SH3BGRL2: variants seen among roughly 807,000 people sequenced by gnomAD.
The protein encoded by SH3BGRL2 is SH3 domain binding glutamate rich protein like 2, also known as SH3 domain-binding glutamic acid-rich-like protein 2.
SH3BGRL2 carries 21 observed loss-of-function variants against 14.8 expected under a neutral mutation model. That is an observed-to-expected ratio of 1.42 (90% CI 1.01 to 2.05). The LOEUF (loss-of-function observed/expected upper bound fraction) is 2.05, where lower values mean the gene tolerates loss of function less well. Ranked by LOEUF, SH3BGRL2 falls within the 30% of genes most tolerant of loss-of-function variation. The probability of loss-of-function intolerance (pLI) is 0.00; values close to 1 mark genes in which losing one functional copy is unlikely to be tolerated. For synonymous variants in SH3BGRL2, 50 were observed against 47.8 expected (o/e 1.05, Z -0.19); for missense variants, 147 against 130.8 (o/e 1.12, Z -0.61).
the SH3BGRL2 span, among the ~76,000 whole-genome samples, chr6:79,578,966 T>C: frequency 0.2 from 30,164 of 152,144 alleles, 3,191 homozygotes; most frequent in Non-Finnish European, 0.22. Flanking sequence ...AATGACCTGA[T>C]GGAGCTGAAA....
At chr6:79,595,114 C>T in the SH3BGRL2 span, among the ~76,000 whole-genome samples, 2 of 152,096 alleles carry the variant, frequency 1.3e-5, no homozygotes, top group Non-Finnish European at 1.5e-5. Context: ...GGAGAAACCC[C>T]GTCTCTACTA....
intron 1 of SH3BGRL2, among the ~76,000 whole-genome samples, chr6:79,639,456 G>C (rs1357932266): frequency 6.6e-6 from 1 of 152,182 alleles, no homozygotes; most frequent in Non-Finnish European, 1.5e-5. Flanking sequence ...GGGCATGGTG[G>C]CATGTGCCTG....
the SH3BGRL2 span, among the ~76,000 whole-genome samples, chr6:79,615,837 T>TTC: frequency 4.0e-5 from 6 of 149,152 alleles, no homozygotes; most frequent in African/African-American, 1.5e-4. Flanking sequence ...TCTTTCTTTT[T>TTC]TTTTTTTTTT....
chr6:79,559,551 A>C, the SH3BGRL2 span, among the ~76,000 whole-genome samples: 1 of 152,256 alleles, frequency 6.6e-6, no homozygotes, highest in Non-Finnish European at 1.5e-5. Flanking sequence ...TAGAGACTAA[A>C]GAGACATGAC....
chr6:79,594,466 C>G, the SH3BGRL2 span, among the ~76,000 whole-genome samples: 1 of 152,124 alleles, frequency 6.6e-6, no homozygotes, highest in East Asian at 1.9e-4. Context: ...AGGATAGGTA[C>G]AAGTAAATTT....
rs1024282714 is a variant in SH3BGRL2, at chr6:79,691,315, TTTTG to T, written c.232-5158_232-5155del. Reference sequence around the variant, plus strand: ...GCAGAGGGTGAGATCAAATCTGTTTTTTTGTTTGTTTGTTTTGTTTTTGTTTTTT... The same window carrying T: ...GCAGAGGGTGAGATCAAATCTGTTTTTTTGTTTGTTTTGTTTTTGTTTTTT... On this transcript the variant is annotated intron_variant, in intron 2 of 3. Transcript: ENST00000369838. 5.9e-5 allele frequency among the ~76,000 whole-genome samples: 9 copies of T among 152,102 alleles called. No individual in the cohort carries two copies. In the East Asian group the frequency reaches 7.7e-4, roughly 13 times the overall value.
intron 1 of SH3BGRL2, among the ~76,000 whole-genome samples, chr6:79,659,722 C>T (rs1370098871): frequency 6.6e-6 from 1 of 151,950 alleles, no homozygotes; most frequent in African/African-American, 2.4e-5. Flanking sequence ...CCATAAATTA[C>T]CTTGGGCAGT....
At chr6:79,606,658 G>A in the SH3BGRL2 span, among the ~76,000 whole-genome samples, 5 of 152,298 alleles carry the variant, frequency 3.3e-5, no homozygotes, top group East Asian at 9.6e-4. Context: ...ACTTGATACA[G>A]TAATTTTTGT....
the SH3BGRL2 span, among the ~76,000 whole-genome samples, chr6:79,546,713 T>C: frequency 2.0e-5 from 3 of 151,882 alleles, no homozygotes; most frequent in Non-Finnish European, 2.9e-5. Flanking sequence ...TTTTTTTTTT[T>C]CTCGAGATGA....
chr6:79,685,509 C>T (rs906801121), intron 2 of SH3BGRL2, among the ~76,000 whole-genome samples: 4 of 151,974 alleles, frequency 2.6e-5, no homozygotes, highest in Admixed American at 6.6e-5. Flanking sequence ...TATCTATATT[C>T]CTTGATTTTA....
At chr6:79,588,752 T>TAA in the SH3BGRL2 span, among the ~76,000 whole-genome samples, 14,243 of 152,186 alleles carry the variant, frequency 0.094, 814 homozygotes, top group Non-Finnish European at 0.13. Flanking sequence ...GTATCATAAA[T>TAA]AAAGAAAAGA....
At chr6:79,694,137 T>C (rs1212616214) in intron 2 of SH3BGRL2, among the ~76,000 whole-genome samples, 1 of 152,152 alleles carries the variant, frequency 6.6e-6, no homozygotes, top group South Asian at 2.1e-4. Flanking sequence ...GGGCAAGAGA[T>C]TGTGATTTTA....
chr6:79,687,505 T>A (rs1770123687), intron 2 of SH3BGRL2, among the ~76,000 whole-genome samples: 1 of 152,190 alleles, frequency 6.6e-6, no homozygotes, highest in Admixed American at 6.5e-5. Flanking sequence ...GGCATAAAAA[T>A]TGCCAAAATG....
At chr6:79,597,329 G>GAA in the SH3BGRL2 span, among the ~76,000 whole-genome samples, 2 of 147,078 alleles carry the variant, frequency 1.4e-5, no homozygotes, top group South Asian at 2.2e-4. Flanking sequence ...GAAAAGAAAA[G>GAA]AAAAGAAAAA....
At chr6:79,577,949 C>T in the SH3BGRL2 span, among the ~76,000 whole-genome samples, 2 of 152,234 alleles carry the variant, frequency 1.3e-5, no homozygotes, top group South Asian at 2.1e-4. Flanking sequence ...TCTTAGCAAC[C>T]GGCAGACAAG....
intron 1 of SH3BGRL2, among the ~76,000 whole-genome samples, chr6:79,635,823 G>T (rs537403372): frequency 2.2e-4 from 34 of 152,300 alleles, no homozygotes; most frequent in African/African-American, 7.7e-4. Flanking sequence ...TTGTCTTGCT[G>T]TTTGCAACTG....
At chr6:79,577,328 C>T in the SH3BGRL2 span, among the ~76,000 whole-genome samples, 5 of 152,070 alleles carry the variant, frequency 3.3e-5, no homozygotes, top group Admixed American at 1.3e-4. Context: ...CTTTTTTCTC[C>T]TCTTCCTCCA....
Position 79,631,416 on chromosome 6 carries a change from C to G in SH3BGRL2, c.-46C>G. 1 of 1,490,572 alleles carries G rather than the reference C, an allele frequency of 6.7e-7. No individual in the cohort carries two copies. Among genetic ancestry groups the G allele is most frequent in the South Asian group, 1.3e-5 (1 of 75,162 alleles). 92.3% of individuals were successfully genotyped at this position (1,490,572 alleles called of 1,614,324 possible). On this transcript the variant is annotated 5_prime_UTR_variant, in exon 1 of 4. Coordinates refer to ENST00000369838, the MANE Select transcript of SH3BGRL2 (RefSeq NM_031469.4). ...GGGTTCAGCTCTGCGTCCACGCCAG[C>G]CCGGAGCCCGGGGGGCAAGGGGTCT...
chr6:79,548,858 A>G, the SH3BGRL2 span, among the ~76,000 whole-genome samples: 1 of 152,194 alleles, frequency 6.6e-6, no homozygotes, highest in Non-Finnish European at 1.5e-5. Flanking sequence ...CAGGGCCTAT[A>G]GAAGACAGAG....
Sources: gnomAD v4.1 joint callset for allele counts (sites outside exome capture counted in the v4.1 genomes callset) on GRCh38, gnomAD v4.1.1 for gene constraint, MANE v1.5 for transcripts, NCBI Gene and HGNC (gene_info 2026-07-23, HGNC 2026-07-21) for gene names.